ATP9B: variants seen among roughly 807,000 people sequenced by gnomAD.
The protein encoded by ATP9B is ATPase phospholipid transporting 9B, also known as probable phospholipid-transporting ATPase IIB.
In ATP9B, 110 loss-of-function variants were observed where a neutral mutation model predicts 146.1. The observed-to-expected ratio is 0.75, with a 90% CI of 0.65 to 0.88. The LOEUF (loss-of-function observed/expected upper bound fraction) is 0.88. Ranked by LOEUF, ATP9B falls within the 40% of genes least tolerant of loss-of-function variation. The pLI is 0.00. For synonymous variants in ATP9B, 604 were observed against 569.7 expected (o/e 1.06, Z -0.86); for missense variants, 1,499 against 1,496.4 (o/e 1.00, Z -0.03).
intron 7 of ATP9B, among the ~76,000 whole-genome samples, chr18:79,173,200 T>G (rs2095106744): frequency 6.6e-6 from 1 of 152,244 alleles, no homozygotes; most frequent in Admixed American, 6.5e-5. Context: ...ACTATTGATA[T>G]TGAGAGTTCT....
intron 13 of ATP9B, among the ~76,000 whole-genome samples, chr18:79,282,925 G>C (rs2145882140): frequency 6.6e-6 from 1 of 152,288 alleles, no homozygotes; most frequent in East Asian, 1.9e-4. Context: ...GTGATAGTTT[G>C]TTACACAGCT....
chr18:79,207,110 A>T, intron 10 of ATP9B, 98 bp downstream of exon 10: 1 of 1,190,628 alleles, frequency 8.4e-7, no homozygotes. Flanking sequence ...CAGTGCCCTG[A>T]AATATTTAGG....
chr18:79,075,843 T>G (rs557147179), intron 1 of ATP9B, among the ~76,000 whole-genome samples: 1 of 152,350 alleles, frequency 6.6e-6, no homozygotes, highest in South Asian at 2.1e-4. Flanking sequence ...GTTTCTCGGT[T>G]TTCTTTTTCC....
intron 9 of ATP9B, among the ~76,000 whole-genome samples, chr18:79,200,247 G>A (rs930563016): frequency 3.9e-5 from 6 of 152,170 alleles, no homozygotes; most frequent in African/African-American, 1.4e-4. Flanking sequence ...TGGGGCTACT[G>A]TGGTTTGTGC....
chr18:79,264,914 C>G (rs371144535), intron 12 of ATP9B, among the ~76,000 whole-genome samples: 1 of 152,064 alleles, frequency 6.6e-6, no homozygotes, highest in African/African-American at 2.4e-5. Flanking sequence ...TATAATAGTT[C>G]GATGTTTGAT....
intron 7 of ATP9B, among the ~76,000 whole-genome samples, chr18:79,158,266 A>G (rs1181224830): frequency 1.3e-5 from 2 of 151,490 alleles, no homozygotes; most frequent in African/African-American, 4.9e-5. Flanking sequence ...TTTAGTTTTT[A>G]TTTTTATTTT....
intron 23 of ATP9B, 46 bp from the exon 24 acceptor site, chr18:79,347,724 C>G: frequency 6.7e-7 from 1 of 1,489,958 alleles, no homozygotes; most frequent in Non-Finnish European, 9.0e-7. Flanking sequence ...AGTCTGATTT[C>G]CAGCGTCCGC....
chr18:79,114,962 C>G (rs909621719), intron 4 of ATP9B: 1 of 176,262 alleles, frequency 5.7e-6, no homozygotes, highest in East Asian at 1.9e-4. Context: ...ATTTCCTTCT[C>G]CTGCCTGATT....
chr18:79,141,987 G>A (rs1020042306), intron 5 of ATP9B, among the ~76,000 whole-genome samples: 2 of 152,190 alleles, frequency 1.3e-5, no homozygotes, highest in Non-Finnish European at 2.9e-5. Flanking sequence ...TATTTAAGAA[G>A]CTAGGACTTG....
intron 14 of ATP9B, 108 bp downstream of exon 14, chr18:79,303,824 T>A: frequency 1.5e-6 from 1 of 669,814 alleles, no homozygotes; most frequent in Non-Finnish European, 2.5e-6. Flanking sequence ...TTCTTGGTGG[T>A]CTTAACATCC....
At chr18:79,342,410 TCA>T in intron 20 of ATP9B, 44 bp downstream of exon 20, 1 of 1,363,370 alleles carries the variant, frequency 7.3e-7, no homozygotes, top group Non-Finnish European at 1.0e-6. Context: ...AACATTTGTC[TCA>T]CACAAACGAA....
chr18:79,072,362 C>T (rs1274392625), intron 1 of ATP9B, among the ~76,000 whole-genome samples: 2 of 152,136 alleles, frequency 1.3e-5, no homozygotes, highest in Non-Finnish European at 2.9e-5. Flanking sequence ...TCTTAACGAG[C>T]ATGCTGCCTT....
intron 24 of ATP9B, 68 bp from the exon 25 acceptor site, chr18:79,348,062 CCT>C: frequency 6.2e-7 from 1 of 1,605,632 alleles, no homozygotes; most frequent in African/African-American, 1.3e-5. Context: ...TAGCGAGGCC[CCT>C]GAGAGGCTTG....
intron 23 of ATP9B, among the ~76,000 whole-genome samples, chr18:79,346,160 GTCAGCGCACATCAGCACGTGC>G (rs943662334): frequency 4.1e-5 from 6 of 145,980 alleles, no homozygotes; most frequent in Admixed American, 2.7e-4. Flanking sequence ...TCAGCACACG[GTCAGCGCACATCAGCACGTGC>G]TCAGCGCACA....
chr18:79,280,167 C>G (rs576725081), intron 13 of ATP9B, among the ~76,000 whole-genome samples: 1 of 151,938 alleles, frequency 6.6e-6, no homozygotes, highest in African/African-American at 2.4e-5. Flanking sequence ...CGATGGAGTA[C>G]GGATATTGAC....
chr18:79,179,989 T>TA (rs2095231217), intron 8 of ATP9B, among the ~76,000 whole-genome samples: 1 of 152,228 alleles, frequency 6.6e-6, no homozygotes. Flanking sequence ...CTTTCAGAAT[T>TA]ACTATATTTT....
chr18:79,269,206 C>T (rs1247825898), intron 12 of ATP9B, among the ~76,000 whole-genome samples: 1 of 152,192 alleles, frequency 6.6e-6, no homozygotes, highest in East Asian at 1.9e-4. Flanking sequence ...CTCACTGTGT[C>T]CCCACGCGGG....
chr18:79,306,051 G>T (rs2096618786), intron 14 of ATP9B, among the ~76,000 whole-genome samples: 1 of 152,228 alleles, frequency 6.6e-6, no homozygotes, highest in African/African-American at 2.4e-5. Context: ...GCGCAGATGG[G>T]CTGGGTCCTC....
intron 11 of ATP9B, among the ~76,000 whole-genome samples, chr18:79,224,495 G>A (rs2095710331): frequency 6.6e-6 from 1 of 152,182 alleles, no homozygotes; most frequent in Non-Finnish European, 1.5e-5. Flanking sequence ...ATTTCTGTGG[G>A]CTGCCAGACT....
Sources: allele counts gnomAD v4.1 joint callset (sites outside exome capture counted in the v4.1 genomes callset), GRCh38; gene constraint gnomAD v4.1.1; transcripts MANE v1.5; gene names NCBI Gene and HGNC (gene_info 2026-07-23, HGNC 2026-07-21).